Variants in ACACA observed in about 807,000 individuals in gnomAD.
ACACA encodes the protein acetyl-CoA carboxylase alpha.
In ACACA, 103 loss-of-function variants were observed where a neutral mutation model predicts 296.1. That is an observed-to-expected ratio of 0.35 (90% CI 0.30 to 0.41). ACACA has a LOEUF of 0.41. ACACA is among the 10% of genes least tolerant of loss of function. ACACA has a pLI of 1.00. For synonymous variants in ACACA, 953 were observed against 1,038.6 expected (o/e 0.92, Z 1.58); for missense variants, 1,554 against 2,989.7 (o/e 0.52, Z 11.20).
intron 41 of ACACA, among the ~76,000 whole-genome samples, chr17:37,166,999 C>T (rs995055044): frequency 6.6e-6 from 1 of 151,876 alleles, no homozygotes; most frequent in Non-Finnish European, 1.5e-5. Context: ...GGCTGGAGTG[C>T]AGTAGCGTGA....
chr17:37,318,571 C>T (rs750561360), intron 3 of ACACA, among the ~76,000 whole-genome samples: 3 of 152,070 alleles, frequency 2.0e-5, no homozygotes, highest in Non-Finnish European at 2.9e-5. Flanking sequence ...TTATTCTCAA[C>T]GTGTGAATTA....
At chr17:37,382,507 C>T (rs1347725443) in intron 1 of ACACA, among the ~76,000 whole-genome samples, 1 of 151,966 alleles carries the variant, frequency 6.6e-6, no homozygotes, top group African/African-American at 2.4e-5. Flanking sequence ...AAACTTTAAA[C>T]TCTAGACTAA....
intron 3 of ACACA, among the ~76,000 whole-genome samples, chr17:37,287,581 A>C (rs1288145104): frequency 6.8e-6 from 1 of 146,302 alleles, no homozygotes. Flanking sequence ...AAAAAAAAAA[A>C]AAAAAAAAAC....
At chr17:37,263,052 T>A (rs1448290491) in intron 11 of ACACA, among the ~76,000 whole-genome samples, 1 of 152,166 alleles carries the variant, frequency 6.6e-6, no homozygotes, top group Non-Finnish European at 1.5e-5. Context: ...TTTGAAGGCA[T>A]CTTTATTACA....
Position 37,087,218 on chromosome 17 carries a change from G to A in ACACA, c.*98C>T. 1 of 1,539,878 alleles carries A rather than the reference G, an allele frequency of 6.5e-7. No homozygotes were observed. Among genetic ancestry groups the A allele is most frequent in the Middle Eastern group, 2.2e-4 (1 of 4,462 alleles). On this transcript the variant is annotated 3_prime_UTR_variant, in exon 56 of 56. Coordinates refer to ENST00000616317, the MANE Select transcript of ACACA (RefSeq NM_198834.3). The stretch of plus-strand genomic sequence containing the variant: ...TAAAATGCCATTTGACTCCAGTGCT[G>A]GGTCTCCTGTGCCTTCTCATTACAG...
intron 41 of ACACA, among the ~76,000 whole-genome samples, chr17:37,171,794 A>G (rs191772251): frequency 6.6e-6 from 1 of 152,234 alleles, no homozygotes; most frequent in African/African-American, 2.4e-5. Flanking sequence ...ATTTATATAC[A>G]TGAAACCACA....
Position 37,406,351 on chromosome 17 carries a change from G to T in ACACA, c.-52C>A, listed in dbSNP as rs1476702635. ...GCCTCTGAAGCCCAAAGAGGGGATG[G>T]TTCTTTCCAAAGAAGACAATTTCGA... On this transcript the variant is annotated 5_prime_UTR_variant, in exon 1 of 56. Transcript: ENST00000616317. 2 of 1,597,604 alleles carry T rather than the reference G, an allele frequency of 1.3e-6. No homozygotes were observed. Among genetic ancestry groups the T allele is most frequent in the South Asian group, 1.1e-5 (1 of 90,790 alleles).
chr17:37,390,071 T>C (rs2050725354), intron 1 of ACACA, among the ~76,000 whole-genome samples: 1 of 134,126 alleles, frequency 7.5e-6, no homozygotes, highest in Non-Finnish European at 1.5e-5. Flanking sequence ...GCAGGAGACT[T>C]GCTAGAGTCC....
At chr17:37,144,876 G>A (rs1456269928) in intron 45 of ACACA, among the ~76,000 whole-genome samples, 1 of 151,888 alleles carries the variant, frequency 6.6e-6, no homozygotes, top group Non-Finnish European at 1.5e-5. Flanking sequence ...ATCATCTCCT[G>A]GTGAATCTAT....
chr17:37,087,083 C>T lies in ACACA; in HGVS notation c.*233G>A, dbSNP rs1430679163. On this transcript the variant is annotated 3_prime_UTR_variant, in exon 56 of 56. Coordinates refer to ENST00000616317, the MANE Select transcript of ACACA (RefSeq NM_198834.3). ...CCTGTGCAGGGAGTGGAGGACTAGG[C>T]CTGGCCAGGGTAATAAATACTGAAT... 6.4e-6 allele frequency: 4 copies of T among 622,686 alleles called. No individual in the cohort carries two copies. The highest frequency in any genetic ancestry group is 1.1e-5 in the Non-Finnish European group (4 of 350,174). The allele number at this position is 622,686 out of a possible 1,614,324, so 38.6% of individuals were successfully genotyped here.
At chr17:37,386,722 A>G (rs1469454691) in intron 1 of ACACA, among the ~76,000 whole-genome samples, 2 of 152,170 alleles carry the variant, frequency 1.3e-5, no homozygotes, top group Non-Finnish European at 1.5e-5. Context: ...AAAAAACTGT[A>G]TTTCTGTAGT....
intron 45 of ACACA, chr17:37,140,886 T>C: frequency 4.0e-6 from 1 of 249,632 alleles, no homozygotes; most frequent in Non-Finnish European, 7.9e-6. Context: ...ATGATGCCAG[T>C]GCCCCGGGTG....
intron 29 of ACACA, among the ~76,000 whole-genome samples, chr17:37,217,734 C>CAAAAAAAAAAA (rs57846347): frequency 3.4e-5 from 1 of 29,370 alleles, no homozygotes; most frequent in African/African-American, 1.8e-4. Context: ...GACTCCATCT[C>CAAAAAAAAAAA]AAAAAAAAAA....
At chr17:37,167,206 CG>C (rs2076706274) in intron 41 of ACACA, among the ~76,000 whole-genome samples, 1 of 149,736 alleles carries the variant, frequency 6.7e-6, no homozygotes, top group African/African-American at 2.5e-5. Context: ...GTGATCCGCC[CG>C]CCTTGGCCTC....
rs1274081888 is a variant in ACACA at position 37,113,386 on chromosome 17, C to G, written c.6275-121G>C. On this transcript the variant is annotated intron_variant, in intron 50 of 55. Transcript: ENST00000616317. This position sits in a 1 kb window ranked among gnomAD's most constrained non-coding sequence, Gnocchi z 4.0. ...CCTTATACTATGCCTCCTGTTTGGC[C>G]ACCCTATAGACTAAAGGGAGTATCG... is the stretch of plus-strand genomic sequence containing the variant. 2 of 992,616 alleles carry G rather than the reference C, an allele frequency of 2.0e-6. No individual in the cohort carries two copies. Among genetic ancestry groups the G allele is most frequent in the African/African-American group, 3.2e-5 (2 of 63,012 alleles). The allele number at this position is 992,616 out of a possible 1,614,324, so 61.5% of individuals were successfully genotyped here. A position where few individuals can be genotyped will look rare whatever the true frequency, so the allele number is the denominator to read the frequency against.
At chr17:37,203,472 A>G (rs527439815) in intron 33 of ACACA, among the ~76,000 whole-genome samples, 11 of 151,636 alleles carry the variant, frequency 7.3e-5, no homozygotes, top group Non-Finnish European at 1.5e-4. Flanking sequence ...GGCCGGGCGC[A>G]GTGGCTCACG....
intron 1 of ACACA, among the ~76,000 whole-genome samples, chr17:37,372,476 C>G (rs1480756711): frequency 6.6e-6 from 1 of 151,400 alleles, no homozygotes; most frequent in Non-Finnish European, 1.5e-5. Context: ...CTAGAAGAGG[C>G]CTTGTAAGCC....
chr17:37,238,421 T>C (rs1205890159), intron 24 of ACACA, among the ~76,000 whole-genome samples: 1 of 152,058 alleles, frequency 6.6e-6, no homozygotes, highest in East Asian at 1.9e-4. Flanking sequence ...GATCTGTTTC[T>C]GGGTCATTAA....
At chr17:37,244,455 C>A (rs1567872790) in intron 21 of ACACA, 133 bp downstream of exon 21, 7 of 1,045,962 alleles carry the variant, frequency 6.7e-6, no homozygotes, top group Non-Finnish European at 8.8e-6. Flanking sequence ...AGTCCCACAA[C>A]TGAAGGTGAA....
Sources: gnomAD v4.1 joint callset for allele counts (sites outside exome capture counted in the v4.1 genomes callset) on GRCh38, gnomAD v4.1.1 for gene constraint, Gnocchi (gnomAD v3.1) non-coding constraint, MANE v1.5 for transcripts, NCBI Gene and HGNC (gene_info 2026-07-23, HGNC 2026-07-21) for gene names.